The following WDR77 variants were observed in gnomAD, a reference collection of about 807,000 sequenced individuals.
The protein encoded by WDR77 is WD repeat domain 77, also known as methylosome protein WDR77.
Under a neutral mutation model 44.0 loss-of-function variants are expected in WDR77, and 31 were observed. The observed-to-expected ratio is 0.70, with a 90% CI of 0.53 to 0.95. The LOEUF (loss-of-function observed/expected upper bound fraction) is 0.95. Among genes scored for constraint, WDR77 ranks in the 40% least tolerant of loss-of-function variants. The pLI is 0.00. For synonymous variants in WDR77, 186 were observed against 165.7 expected (o/e 1.12, Z -0.94); for missense variants, 390 against 423.9 (o/e 0.92, Z 0.70).
chr1:111,442,578 G>C, intron 8 of WDR77, 75 bp downstream of exon 8: 2 of 1,037,046 alleles, frequency 1.9e-6, no homozygotes, highest in Non-Finnish European at 1.3e-6. Context: ...ATCAGCTAAT[G>C]CTTTGAAAAC....
chr1:111,444,081 C>T lies in WDR77; in HGVS notation c.537G>A (p.Lys179=). Residue 179 remains lysine, a synonymous_variant, in exon 5 of 10, where the codon AAG becomes AAA. Coordinates refer to ENST00000235090, the MANE Select transcript of WDR77 (RefSeq NM_024102.4). The part of the protein sequence containing the change: ...QVTCVAASPH[K]DSVFLSCSED... ...CGCTGCATGAAAGAAACACAGAGTC[C>T]TTGTGAGGAGAGGCAGCAACACAAG... 1 of 1,613,978 alleles carries T rather than the reference C, an allele frequency of 6.2e-7. No homozygotes were observed. The highest frequency in any genetic ancestry group is 8.5e-7 in the Non-Finnish European group (1 of 1,180,014).
At chr1:111,445,862 G>C (rs1313677393) in intron 4 of WDR77, among the ~76,000 whole-genome samples, 1 of 152,134 alleles carries the variant, frequency 6.6e-6, no homozygotes, top group East Asian at 1.9e-4. Context: ...TCCGCCTCCA[G>C]GGTTCAAGCA....
rs1393505950 is a variant in WDR77 at position 111,442,193 on chromosome 1, A to G, written c.801-100T>C. On this transcript the variant is annotated intron_variant, in intron 8 of 9. Transcript: ENST00000235090. ...CCGCCACTGTAAAGTGACCCAGGAG[A>G]GGCAGCCTGATTCCCACTTTTGGCT... 4 of 1,149,560 alleles carry G rather than the reference A, an allele frequency of 3.5e-6. No homozygotes were observed. In the Admixed American group the frequency reaches 5.9e-5, roughly 17 times the overall value. 71.2% of individuals were successfully genotyped at this position (1,149,560 alleles called of 1,614,324 possible).
chr1:111,444,134 A>C lies in WDR77; in HGVS notation c.494-10T>G. 6.2e-7 allele frequency: 1 copy of C among 1,613,028 alleles called. No individual in the cohort carries two copies. ...ACCTGAGCAGCATGAGCTATAAAGG[A>C]GAGAGAAAGAGAAATATGATAGAAA... is the stretch of plus-strand genomic sequence containing the variant. On this transcript the variant is annotated splice_polypyrimidine_tract_variant and intron_variant, in intron 4 of 9. Coordinates refer to ENST00000235090, the MANE Select transcript of WDR77 (RefSeq NM_024102.4).
intron 7 of WDR77, 121 bp downstream of exon 7, chr1:111,443,202 C>T: frequency 1.2e-6 from 1 of 858,676 alleles, no homozygotes; most frequent in Non-Finnish European, 1.7e-6. Flanking sequence ...ATTCATAATT[C>T]ATCTAGTGTC....
intron 8 of WDR77, 141 bp downstream of exon 8, chr1:111,442,512 A>C (rs1401138727): frequency 1.8e-6 from 1 of 547,588 alleles, no homozygotes; most frequent in Non-Finnish European, 3.1e-6. Context: ...CACTTAAGAG[A>C]TCTTCGATGT....
In WDR77 at chr1:111,449,247, G is replaced by A. The variant is rs1025546825; in HGVS notation, c.-78C>T. ...CCGCTCCGGCAGCAAACCCCACGTG[G>A]TGCACCTCTGAGCCTCCGCCCCTCT... is the stretch of plus-strand genomic sequence containing the variant. On this transcript the variant is annotated 5_prime_UTR_variant, in exon 1 of 10. Coordinates refer to ENST00000235090, the MANE Select transcript of WDR77 (RefSeq NM_024102.4). The A allele has an allele frequency of 6.5e-6, 10 of 1,536,332 alleles. No individual in the cohort carries two copies. The East Asian group carries it at 1.2e-4, about 19-fold the overall frequency.
At chr1:111,445,424 C>G (rs1035386006) in intron 4 of WDR77, among the ~76,000 whole-genome samples, 1 of 152,132 alleles carries the variant, frequency 6.6e-6, no homozygotes, top group African/African-American at 2.4e-5. Context: ...GGACAAGCAC[C>G]ATGGTGGTGT....
In WDR77 at chr1:111,441,169, G is replaced by T. The variant is rs1652794288; in HGVS notation, c.*61C>A. The T allele has an allele frequency of 1.5e-6, 2 of 1,376,630 alleles. No individual in the cohort carries two copies. The highest frequency in any genetic ancestry group is 9.5e-7 in the Non-Finnish European group (1 of 1,053,096). 85.3% of individuals were successfully genotyped at this position (1,376,630 alleles called of 1,614,324 possible). On this transcript the variant is annotated 3_prime_UTR_variant, in exon 10 of 10. Coordinates refer to ENST00000235090, the MANE Select transcript of WDR77 (RefSeq NM_024102.4). ...AGGCTCCTGTGTTGTCTCACAAGCT[G>T]AGAGGGCAGGGCAAAGAAGTGGACA...
intron 8 of WDR77, 68 bp from the exon 9 acceptor site, chr1:111,442,161 G>T: frequency 6.7e-7 from 1 of 1,491,428 alleles, no homozygotes; most frequent in Non-Finnish European, 9.3e-7. Context: ...TAACTGGGCC[G>T]GCCCTGCCGC....
At chr1:111,444,637 G>GC (rs1311008266) in intron 4 of WDR77, among the ~76,000 whole-genome samples, 1 of 152,036 alleles carries the variant, frequency 6.6e-6, no homozygotes, top group Non-Finnish European at 1.5e-5. Context: ...ATCTTTCCAC[G>GC]CTACAATGCT....
chr1:111,443,264 CTT>C (rs1291131834), intron 7 of WDR77, 57 bp downstream of exon 7: 2 of 1,510,420 alleles, frequency 1.3e-6, no homozygotes. Flanking sequence ...GGAGTCAGCT[CTT>C]TCTTTTTCCT....
At position 111,444,058 on chromosome 1, in the gene WDR77, C is replaced by A; in HGVS notation, c.560G>T (p.Ser187Ile). 6.2e-7 allele frequency: 1 copy of A among 1,614,130 alleles called. No individual in the cohort carries two copies. Among genetic ancestry groups the A allele is most frequent in the Non-Finnish European group, 8.5e-7 (1 of 1,180,020 alleles). The change falls in exon 5 of 10, where the codon AGC becomes ATC. Residue 187 changes from serine to isoleucine, a missense_variant. By Grantham distance (142) the Ser-to-Ile change is moderately radical. Coordinates refer to ENST00000235090, the MANE Select transcript of WDR77 (RefSeq NM_024102.4). ...GAAGAAGGAGCTATCTCTTACCTCG[C>A]TGCATGAAAGAAACACAGAGTCCTT... ...PHKDSVFLSC[S>I]EDNRILLWDT... is the part of the protein sequence containing the mutation.
At position 111,447,158 on chromosome 1, in the gene WDR77, G is replaced by A; in HGVS notation, c.444-14C>T. 1 of 1,613,970 alleles carries A rather than the reference G, an allele frequency of 6.2e-7. No homozygotes were observed. The stretch of plus-strand genomic sequence containing the variant: ...CAAACCTTGATGCTAAGAAGCAAAA[G>A]CAAACAGACATTTAATCTTGACCTA... On this transcript the variant is annotated splice_polypyrimidine_tract_variant and intron_variant, in intron 3 of 9. Coordinates refer to ENST00000235090, the MANE Select transcript of WDR77 (RefSeq NM_024102.4).
intron 8 of WDR77, 60 bp from the exon 9 acceptor site, chr1:111,442,153 A>C: frequency 6.5e-7 from 1 of 1,542,830 alleles, no homozygotes; most frequent in Non-Finnish European, 8.9e-7. Context: ...CAAAACCTTA[A>C]CTGGGCCGGC....
In WDR77 at chr1:111,449,114, A is replaced by C; in HGVS notation, c.56T>G (p.Leu19Arg). ...CATGCAGGCGGGCGCATTTGGGGGAAGATTCCACTCCCGGGCCGCCGGGGG... is the reference window on the plus strand; with the variant it reads ...CATGCAGGCGGGCGCATTTGGGGGACGATTCCACTCCCGGGCCGCCGGGGG... ...LVPPAAREWNLPPNAPACMER... is the reference protein window; with the variant it reads ...LVPPAAREWNRPPNAPACMER... The change falls in exon 1 of 10, where the codon CTT becomes CGT. Residue 19 changes from leucine to arginine, a missense_variant. Coordinates refer to ENST00000235090, the MANE Select transcript of WDR77 (RefSeq NM_024102.4). 1 of 1,602,266 alleles carries C rather than the reference A, an allele frequency of 6.2e-7. No individual in the cohort carries two copies.
In WDR77 at chr1:111,447,105, A is replaced by G; in HGVS notation, c.483T>C (p.Ser161=). 1 of 1,614,216 alleles carries G rather than the reference A, an allele frequency of 6.2e-7. No homozygotes were observed. The change falls in exon 4 of 10, where the codon AGT becomes AGC. Residue 161 remains serine (S), a synonymous_variant. Transcript: ENST00000235090. The part of the protein sequence containing the change: ...VWDLAQQVVL[S]SYRAHAAQVT... ...TGAAAGAATACTCACCTCGGTATGAACTCAGTACCACCTGCTGAGCAAGGT... is the reference window on the plus strand; with the variant it reads ...TGAAAGAATACTCACCTCGGTATGAGCTCAGTACCACCTGCTGAGCAAGGT...
At chr1:111,444,026 G>A (rs1478205591) in intron 5 of WDR77, 28 bp downstream of exon 5, 1 of 1,613,964 alleles carries the variant, frequency 6.2e-7, no homozygotes, top group Non-Finnish European at 8.5e-7. Flanking sequence ...GCTGGAGTGT[G>A]TTTAGGGAAG....
intron 4 of WDR77, among the ~76,000 whole-genome samples, chr1:111,445,479 G>A (rs1040313203): frequency 2.0e-5 from 3 of 152,240 alleles, no homozygotes; most frequent in Non-Finnish European, 4.4e-5. Context: ...AGGTTTTGGG[G>A]CAGGGTGCAG....
Sources: gnomAD v4.1 joint callset for allele counts (sites outside exome capture counted in the v4.1 genomes callset) on GRCh38, gnomAD v4.1.1 for gene constraint, MANE v1.5 for transcripts, NCBI Gene and HGNC (gene_info 2026-07-23, HGNC 2026-07-21) for gene names.